The following RAPH1 variants were observed in gnomAD, a reference collection of about 807,000 sequenced individuals.
RAPH1 encodes the protein ras-associated and pleckstrin homology domains-containing protein 1.
RAPH1 carries 18 observed loss-of-function variants against 88.1 expected under a neutral mutation model. That is an observed-to-expected ratio of 0.20 (90% CI 0.14 to 0.30). The LOEUF is 0.30. Ranked by LOEUF, RAPH1 falls within the 10% of genes least tolerant of loss-of-function variation. RAPH1 has a pLI of 1.00. For synonymous variants in RAPH1, 587 were observed against 559.0 expected, an observed-to-expected ratio of 1.05 and a Z score of -0.71; for missense variants, 1,448 against 1,543.2, an observed-to-expected ratio of 0.94 and a Z score of 1.03.
chr2:203,452,935 C>A (rs894450317), intron 10 of RAPH1, among the ~76,000 whole-genome samples: 1 of 151,940 alleles, frequency 6.6e-6, no homozygotes. Context: ...GAGACTGTCT[C>A]AAAAATAAAT....
At chr2:203,512,400 C>G (rs938437969) in intron 1 of RAPH1, among the ~76,000 whole-genome samples, 2 of 151,334 alleles carry the variant, frequency 1.3e-5, no homozygotes, top group Non-Finnish European at 2.9e-5. Context: ...AACAAATTCT[C>G]CCTCCATGTT....
At position 203,457,099 on chromosome 2, in the gene RAPH1, G is replaced by C. The variant is rs1424202977; in HGVS notation, c.1158+431C>G. 2.0e-5 allele frequency among the ~76,000 whole-genome samples: 3 copies of C among 151,790 alleles called. No individual in the cohort carries two copies. In the East Asian group the frequency reaches 5.8e-4, roughly 29 times the overall value. On this transcript the variant is annotated intron_variant, in intron 8 of 13. Transcript: ENST00000319170. ...CCTCATACTATCAAAGAATACACAGGCTTCTTTAATTAAAATTGTAACTAC... is the reference window on the plus strand; with the variant it reads ...CCTCATACTATCAAAGAATACACAGCCTTCTTTAATTAAAATTGTAACTAC...
Position 203,439,642 on chromosome 2 carries a change from G to A in RAPH1, c.3548C>T (p.Ser1183Leu). 1.2e-6 allele frequency: 2 copies of A among 1,614,140 alleles called. No individual in the cohort carries two copies. The highest frequency in any genetic ancestry group is 1.7e-6 in the Non-Finnish European group (2 of 1,180,010). Residue 1183 changes from serine (S) to leucine (L), a missense_variant, in exon 14 of 14, where the codon TCA becomes TTA. Ser to Leu is a moderately radical substitution (Grantham distance 145, BLOSUM62 -2). Coordinates refer to ENST00000319170, the MANE Select transcript of RAPH1 (RefSeq NM_213589.3). ...LQRKSITRHG[S>L]LSSRMSRAEP... Reference sequence around the variant, plus strand: ...TGCTCTGGACATGCGGGAGGAGAGTGAGCCGTGCCGAGTGATGGACTTTCG... The same window carrying A: ...TGCTCTGGACATGCGGGAGGAGAGTAAGCCGTGCCGAGTGATGGACTTTCG...
At chr2:203,500,843 C>T (rs540935840) in intron 1 of RAPH1, among the ~76,000 whole-genome samples, 42 of 152,314 alleles carry the variant, frequency 2.8e-4, no homozygotes, top group African/African-American at 9.9e-4. Context: ...CCATCATTAA[C>T]ACACCCCAAT....
intron 10 of RAPH1, among the ~76,000 whole-genome samples, chr2:203,450,535 A>G (rs1045538175): frequency 3.3e-5 from 5 of 152,248 alleles, no homozygotes; most frequent in Admixed American, 6.5e-5. Flanking sequence ...AAAAGGAGGA[A>G]GGGGGATTTT....
intron 1 of RAPH1, among the ~76,000 whole-genome samples, chr2:203,515,082 C>T (rs751594485): frequency 6.6e-6 from 1 of 152,084 alleles, no homozygotes; most frequent in Non-Finnish European, 1.5e-5. Context: ...GTACAATACT[C>T]CAGTTTTGAA....
chr2:203,519,128 G>GAAT (rs1464132542), intron 1 of RAPH1, among the ~76,000 whole-genome samples: 2 of 152,156 alleles, frequency 1.3e-5, no homozygotes, highest in Non-Finnish European at 2.9e-5. Flanking sequence ...GAAGCAGAGG[G>GAAT]AATAATACAT....
At chr2:203,492,696 A>AT (rs1479221471) in intron 2 of RAPH1, among the ~76,000 whole-genome samples, 2 of 152,204 alleles carry the variant, frequency 1.3e-5, no homozygotes, top group Non-Finnish European at 2.9e-5. Flanking sequence ...TAAAACTTTA[A>AT]TTTATATCTA....
chr2:203,450,471 T>C (rs1282473620), intron 10 of RAPH1, among the ~76,000 whole-genome samples: 2 of 152,150 alleles, frequency 1.3e-5, no homozygotes, highest in Admixed American at 6.5e-5. Flanking sequence ...TAAACCATAA[T>C]AGTGACCTTG....
intron 1 of RAPH1, among the ~76,000 whole-genome samples, chr2:203,520,147 G>A (rs1044488608): frequency 6.6e-6 from 1 of 151,970 alleles, no homozygotes; most frequent in Non-Finnish European, 1.5e-5. Context: ...GAGAAACATG[G>A]TGGAAAACTA....
chr2:203,487,485 A>G (rs1688023559), intron 4 of RAPH1, among the ~76,000 whole-genome samples: 1 of 151,820 alleles, frequency 6.6e-6, no homozygotes, highest in East Asian at 1.9e-4. Flanking sequence ...GGTTCAAGCG[A>G]TTCTCCTACC....
chr2:203,520,604 G>A (rs746150769), intron 1 of RAPH1, among the ~76,000 whole-genome samples: 1 of 151,614 alleles, frequency 6.6e-6, no homozygotes, highest in Non-Finnish European at 1.5e-5. Context: ...TCCAGCCTGG[G>A]CAACAAGAGT....
At chr2:203,506,865 T>TATATATATATATATAG (rs1689093013) in intron 1 of RAPH1, among the ~76,000 whole-genome samples, 1 of 90,156 alleles carries the variant, frequency 1.1e-5, no homozygotes, top group Non-Finnish European at 2.1e-5. Flanking sequence ...TCTATATATA[T>TATATATATATATATAG]ATATATATAT....
At chr2:203,462,069 A>G (rs2098524613) in intron 4 of RAPH1, 144 bp from the exon 5 acceptor site, 2 of 523,808 alleles carry the variant, frequency 3.8e-6, no homozygotes, top group Non-Finnish European at 6.3e-6. Flanking sequence ...ATAACTGTTC[A>G]CAAAGAGCAG....
At chr2:203,468,201 G>C (rs1350160804) in intron 4 of RAPH1, among the ~76,000 whole-genome samples, 1 of 152,172 alleles carries the variant, frequency 6.6e-6, no homozygotes, top group African/African-American at 2.4e-5. Context: ...ATGGATAAAT[G>C]AAGTTATTTA....
intron 1 of RAPH1, among the ~76,000 whole-genome samples, chr2:203,527,785 A>G (rs895866156): frequency 8.2e-5 from 12 of 145,678 alleles, no homozygotes; most frequent in Admixed American, 2.1e-4. Context: ...GGGCAACAAC[A>G]GTGAAACTCC....
In RAPH1 at chr2:203,461,358, C is replaced by T. The variant is rs372047512; in HGVS notation, c.861G>A (p.Val287=). The change falls in exon 6 of 14, where the codon GTG becomes GTA. Residue 287 remains valine, a synonymous_variant. Transcript: ENST00000319170. ...MSDDSSKTMM[V]DERQTVRQVL... ...CTTGTCTTACTGTCTGCCTCTCATC[C>T]ACCATCATTGTTTTAGAACTGTCAT... 3 of 1,610,198 alleles carry T rather than the reference C, an allele frequency of 1.9e-6. No individual in the cohort carries two copies. Among genetic ancestry groups the T allele is most frequent in the South Asian group, 2.2e-5 (2 of 90,542 alleles).
rs1277788456 is a variant in RAPH1 at position 203,506,846 on chromosome 2, C to CTATATATCTATATATATA, written c.1-11494_1-11493insTATATATATAGATATATA. 1.2e-4 allele frequency among the ~76,000 whole-genome samples: 8 copies of CTATATATCTATATATATA among 66,482 alleles called. 1 individual carries two copies. Among genetic ancestry groups the CTATATATCTATATATATA allele is most frequent in the Non-Finnish European group, 2.4e-5 (1 of 42,406 alleles). 43.6% of individuals were successfully genotyped at this position (66,482 alleles called of 152,430 possible). A position where few individuals can be genotyped will look rare whatever the true frequency, so the allele number is the denominator to read the frequency against. On this transcript the variant is annotated intron_variant, in intron 1 of 13. Coordinates refer to ENST00000319170, the MANE Select transcript of RAPH1 (RefSeq NM_213589.3). ...TATATATATATCTATATCTATATAT[C>CTATATATCTATATATATA]TATCTATATCTATATATATATATAT...
intron 4 of RAPH1, among the ~76,000 whole-genome samples, chr2:203,469,136 G>A (rs2153645552): frequency 6.6e-6 from 1 of 152,308 alleles, no homozygotes; most frequent in Non-Finnish European, 1.5e-5. Context: ...GCTCTTGGGA[G>A]ACAGATCCAT....
Sources: gnomAD v4.1 joint callset for allele counts (sites outside exome capture counted in the v4.1 genomes callset) on GRCh38, gnomAD v4.1.1 for gene constraint, MANE v1.5 for transcripts, NCBI Gene and HGNC (gene_info 2026-07-23, HGNC 2026-07-21) for gene names.